Variants in CPS1 observed in about 807,000 individuals in gnomAD.
CPS1 encodes the protein carbamoyl-phosphate synthase [ammonia], mitochondrial.
In CPS1, 109 loss-of-function variants were observed where a neutral mutation model predicts 174.6. The ratio of observed to expected loss-of-function variants is 0.62; its 90% CI spans 0.53 to 0.73. The LOEUF is 0.73. CPS1 is among the 30% of genes least tolerant of loss of function. The pLI is 0.00. For synonymous variants in CPS1, 637 were observed against 632.0 expected (o/e 1.01, Z -0.12); for missense variants, 1,689 against 1,821.9 (o/e 0.93, Z 1.33).
intron 1 of CPS1, among the ~76,000 whole-genome samples, chr2:210,520,800 G>T (rs1335178319): frequency 2.0e-5 from 3 of 151,906 alleles, no homozygotes; most frequent in Non-Finnish European, 2.9e-5. Context: ...TTTCATTGCT[G>T]AGTATTCCAT....
intron 33 of CPS1, among the ~76,000 whole-genome samples, chr2:210,665,018 A>G (rs759868353): frequency 1.4e-4 from 22 of 152,338 alleles, no homozygotes; most frequent in Non-Finnish European, 2.8e-4. Flanking sequence ...TTAATGGCAC[A>G]TTTAACTACT....
chr2:210,581,339 C>T (rs910023423), intron 5 of CPS1, among the ~76,000 whole-genome samples: 3 of 152,098 alleles, frequency 2.0e-5, no homozygotes, highest in Admixed American at 6.6e-5. Context: ...ACGAGCCCTC[C>T]TTTTATCATA....
chr2:210,600,628 T>A lies in CPS1; in HGVS notation c.1623T>A (p.Ile541=), dbSNP rs1698686885. ...VKVLGTSVES[I]MATEDRQLFS... is the part of the protein sequence containing the mutation. Reference sequence around the variant, plus strand: ...TCCTGGGAACTTCAGTTGAGTCCATTATGGCTACGGAAGACAGGCAGCTGT... The same window carrying A: ...TCCTGGGAACTTCAGTTGAGTCCATAATGGCTACGGAAGACAGGCAGCTGT... Residue 541 remains isoleucine (I), a synonymous_variant, in exon 15 of 38, where the codon ATT becomes ATA. Coordinates refer to ENST00000233072, the MANE Select transcript of CPS1 (RefSeq NM_001875.5). 6.2e-7 allele frequency: 1 copy of A among 1,612,344 alleles called. No individual in the cohort carries two copies. The highest frequency in any genetic ancestry group is 8.5e-7 in the Non-Finnish European group (1 of 1,178,886).
chr2:210,608,442 A>G lies in CPS1; in HGVS notation c.2274A>G (p.Thr758=), dbSNP rs761476512. 1.2e-6 allele frequency: 2 copies of G among 1,612,622 alleles called. No individual in the cohort carries two copies. Among genetic ancestry groups the G allele is most frequent in the South Asian group, 2.2e-5 (2 of 91,060 alleles). The change falls in exon 19 of 38, where the codon ACA becomes ACG. Residue 758 remains threonine, a synonymous_variant. Coordinates refer to ENST00000233072, the MANE Select transcript of CPS1 (RefSeq NM_001875.5). The stretch of plus-strand genomic sequence containing the variant: ...TTAAGAACGTCGTATCCGGGAAGAC[A>G]TCAGCCTGTTTTGAACCTAGCCTGG... ...PEIKNVVSGK[T]SACFEPSLDY...
chr2:210,486,411 G>A (rs6713472), intron 1 of CPS1, among the ~76,000 whole-genome samples: 5 of 151,870 alleles, frequency 3.3e-5, no homozygotes, highest in South Asian at 4.2e-4. Context: ...AGAAGTACAC[G>A]TGCCCAACAC....
chr2:210,658,566 T>C (rs1700800568), intron 30 of CPS1, 33 bp from the exon 31 acceptor site: 1 of 1,579,382 alleles, frequency 6.3e-7, no homozygotes, highest in Non-Finnish European at 8.7e-7. Context: ...ATATGCTCTT[T>C]AGCACACTAT....
intron 1 of CPS1, among the ~76,000 whole-genome samples, chr2:210,514,473 C>G (rs112096182): frequency 0.016 from 2,412 of 151,774 alleles, 51 homozygotes; most frequent in African/African-American, 0.05. Flanking sequence ...TGATTAGGCT[C>G]TCAGCTTGAA....
intron 2 of CPS1, among the ~76,000 whole-genome samples, chr2:210,575,268 A>C (rs540890564): frequency 6.6e-6 from 1 of 152,190 alleles, no homozygotes; most frequent in Non-Finnish European, 1.5e-5. Flanking sequence ...TATTGGTTTC[A>C]AAGTCGTTGA....
chr2:210,640,533 G>C (rs1700188075), intron 24 of CPS1, among the ~76,000 whole-genome samples: 1 of 152,172 alleles, frequency 6.6e-6, no homozygotes, highest in African/African-American at 2.4e-5. Context: ...TGCATGGGTA[G>C]AGCATTATGT....
chr2:210,656,279 A>G (rs1004199756), intron 29 of CPS1, among the ~76,000 whole-genome samples: 1 of 152,158 alleles, frequency 6.6e-6, no homozygotes, highest in African/African-American at 2.4e-5. Flanking sequence ...TTTTCCTATT[A>G]CTTATACCCA....
intron 18 of CPS1, among the ~76,000 whole-genome samples, chr2:210,607,822 T>C (rs1698970771): frequency 6.6e-6 from 1 of 151,884 alleles, no homozygotes; most frequent in Admixed American, 6.6e-5. Flanking sequence ...TGGATGAAGA[T>C]AGTCAAGTTC....
At chr2:210,616,629 A>C in intron 21 of CPS1, 88 bp downstream of exon 21, 1 of 855,538 alleles carries the variant, frequency 1.2e-6, no homozygotes, top group South Asian at 1.3e-5. Flanking sequence ...TTTGGTCTAC[A>C]TTGTGATTCA....
At position 210,595,510 on chromosome 2, in the gene CPS1, A is replaced by T. The variant is rs1256950412; in HGVS notation, c.1287A>T (p.Gly429=). Residue 429 remains glycine (G), a synonymous_variant, in exon 13 of 38, where the codon GGA becomes GGT. Transcript: ENST00000233072. ...AGGTTTCCAAAGTCCTTATTCTAGG[A>T]TCAGGAGGTCTGTCCATTGGTCAGG... The part of the protein sequence containing the change: ...RVEVSKVLIL[G]SGGLSIGQAG... The T allele has an allele frequency of 6.2e-7, 1 of 1,611,372 alleles. No individual in the cohort carries two copies. The highest frequency in any genetic ancestry group is 8.5e-7 in the Non-Finnish European group (1 of 1,178,210).
At position 210,582,599 on chromosome 2, in the gene CPS1, AT is replaced by A. The variant is rs749791771; in HGVS notation, c.529-11del. 2.5e-6 allele frequency: 4 copies of A among 1,598,824 alleles called. No homozygotes were observed. Among genetic ancestry groups the A allele is most frequent in the Non-Finnish European group, 3.4e-6 (4 of 1,166,342 alleles). ...ATCGTTGCTTCCTTTTAACTGTCTA[AT>A]TTTTTTAATTTGATAGGGTACCATG... On this transcript the variant is annotated splice_polypyrimidine_tract_variant and intron_variant, in intron 5 of 37. Coordinates refer to ENST00000233072, the MANE Select transcript of CPS1 (RefSeq NM_001875.5).
intron 4 of CPS1, 113 bp from the exon 5 acceptor site, chr2:210,579,601 G>C: frequency 1.2e-6 from 1 of 816,488 alleles, no homozygotes; most frequent in South Asian, 1.4e-5. Context: ...AGAAAGAGTG[G>C]AGAAATTATT....
intron 35 of CPS1, among the ~76,000 whole-genome samples, 182 bp downstream of exon 35, chr2:210,675,143 C>A (rs1701482690): frequency 6.6e-6 from 1 of 152,148 alleles, no homozygotes; most frequent in South Asian, 2.1e-4. Context: ...TAACTTTTAA[C>A]AAAATTACCA....
At chr2:210,580,483 G>A (rs962791059) in intron 5 of CPS1, among the ~76,000 whole-genome samples, 5 of 151,728 alleles carry the variant, frequency 3.3e-5, no homozygotes, top group South Asian at 2.1e-4. Flanking sequence ...CGTCACTAAC[G>A]TTAACTAAAT....
intron 1 of CPS1, among the ~76,000 whole-genome samples, chr2:210,507,053 G>C (rs1695307023): frequency 6.6e-6 from 1 of 152,124 alleles, no homozygotes; most frequent in Non-Finnish European, 1.5e-5. Flanking sequence ...CTCAAGAAGA[G>C]CAACTCCAAG....
chr2:210,507,688 C>G (rs1465794079), intron 1 of CPS1, among the ~76,000 whole-genome samples: 1 of 151,284 alleles, frequency 6.6e-6, no homozygotes, highest in Non-Finnish European at 1.5e-5. Context: ...GGAAGATCTA[C>G]CAAGCAAATG....
Sources: allele counts gnomAD v4.1 joint callset (sites outside exome capture counted in the v4.1 genomes callset), GRCh38; gene constraint gnomAD v4.1.1; transcripts MANE v1.5; gene names NCBI Gene and HGNC (gene_info 2026-07-23, HGNC 2026-07-21).